The following SLC35F4 variants were observed in gnomAD, a reference collection of about 807,000 sequenced individuals.
SLC35F4 encodes the protein chromosome 14 open reading frame 36.
SLC35F4 carries 24 observed loss-of-function variants against 44.2 expected under a neutral mutation model. The ratio of observed to expected loss-of-function variants is 0.54; its 90% CI spans 0.39 to 0.76. The LOEUF (loss-of-function observed/expected upper bound fraction) is 0.76. SLC35F4 is among the 30% of genes least tolerant of loss of function. SLC35F4 has a pLI of 0.00. For synonymous variants in SLC35F4, 238 were observed against 223.6 expected (o/e 1.06, Z -0.57); for missense variants, 562 against 586.1 (o/e 0.96, Z 0.42).
chr14:57,622,567 G>A (rs1171270316), intron 1 of SLC35F4, among the ~76,000 whole-genome samples: 1 of 150,618 alleles, frequency 6.6e-6, no homozygotes. Flanking sequence ...ACTATCGCAA[G>A]AACAAAAAAC....
chr14:57,929,933 C>A (rs541402646), intron 1 of SLC35F4, among the ~76,000 whole-genome samples: 1 of 152,208 alleles, frequency 6.6e-6, no homozygotes, highest in African/African-American at 2.4e-5. Context: ...TTCACAGAAA[C>A]AAGAGTTCTT....
At chr14:57,715,406 A>G (rs1176346635) in intron 1 of SLC35F4, among the ~76,000 whole-genome samples, 2 of 152,234 alleles carry the variant, frequency 1.3e-5, no homozygotes, top group African/African-American at 4.8e-5. Flanking sequence ...GCAAAATATT[A>G]TCTTTTGGAC....
At chr14:57,977,185 T>C (rs1241901022) in intron 1 of SLC35F4, among the ~76,000 whole-genome samples, 1 of 152,106 alleles carries the variant, frequency 6.6e-6, no homozygotes. Flanking sequence ...TTAGGGGAAT[T>C]TTTTTTGGAT....
At chr14:57,752,617 T>C (rs1351833705) in intron 1 of SLC35F4, among the ~76,000 whole-genome samples, 1 of 151,930 alleles carries the variant, frequency 6.6e-6, no homozygotes, top group Non-Finnish European at 1.5e-5. Flanking sequence ...CACACTACCA[T>C]ACCAGGCTAA....
intron 1 of SLC35F4, among the ~76,000 whole-genome samples, chr14:57,774,714 C>A (rs960503773): frequency 1.3e-5 from 2 of 152,182 alleles, no homozygotes. Context: ...CTGACCGGAG[C>A]TCCAGCAGAA....
intron 1 of SLC35F4, among the ~76,000 whole-genome samples, chr14:57,680,135 G>T (rs2074844926): frequency 6.6e-6 from 1 of 152,076 alleles, no homozygotes; most frequent in African/African-American, 2.4e-5. Flanking sequence ...TAAAATACTG[G>T]CAAACCGAAT....
In SLC35F4 at chr14:57,612,491, C is replaced by G. The variant is rs1253801718; in HGVS notation, c.104-18367G>C. ...TAGCGGCATTCCTTGACCATTTTCC[C>G]TCTTCTGTGCACACTGCACTTAACC... is the stretch of plus-strand genomic sequence containing the variant. On this transcript the variant is annotated intron_variant, in intron 1 of 7. Transcript: ENST00000556826. Among the ~76,000 whole-genome samples the G allele has an allele frequency of 2.0e-5, 3 of 152,332 alleles. No homozygotes were observed. In the East Asian group the frequency reaches 5.8e-4, roughly 29 times the overall value.
intron 1 of SLC35F4, among the ~76,000 whole-genome samples, chr14:57,824,247 AC>A (rs1208123563): frequency 6.6e-6 from 1 of 152,176 alleles, no homozygotes; most frequent in African/African-American, 2.4e-5. Flanking sequence ...AAGTTAGCAT[AC>A]ATGCTTCACA....
At chr14:57,798,121 CAAAAAAAAAA>C (rs60685029) in intron 1 of SLC35F4, among the ~76,000 whole-genome samples, 1 of 42,068 alleles carries the variant, frequency 2.4e-5, no homozygotes, top group African/African-American at 7.7e-5. Context: ...GACCCACGAG[CAAAAAAAAAA>C]AAAAAAAAAA....
intron 1 of SLC35F4, among the ~76,000 whole-genome samples, chr14:57,666,162 T>G (rs1382347065): frequency 1.3e-5 from 2 of 152,196 alleles, no homozygotes; most frequent in Non-Finnish European, 2.9e-5. Context: ...TCCTTTGTTG[T>G]GTGTACAGAC....
intron 1 of SLC35F4, among the ~76,000 whole-genome samples, chr14:57,644,802 G>T (rs2140174692): frequency 6.6e-6 from 1 of 152,270 alleles, no homozygotes; most frequent in East Asian, 1.9e-4. Context: ...TTTGTATAAG[G>T]TGTAAGGAAG....
intron 4 of SLC35F4, among the ~76,000 whole-genome samples, chr14:57,575,797 C>T (rs2068753144): frequency 6.6e-6 from 1 of 152,110 alleles, no homozygotes; most frequent in Admixed American, 6.5e-5. Context: ...AGAAGGGATC[C>T]GTGTGGCCAT....
chr14:57,925,075 C>A (rs1346309625), intron 1 of SLC35F4, among the ~76,000 whole-genome samples: 1 of 151,994 alleles, frequency 6.6e-6, no homozygotes, highest in Admixed American at 6.6e-5. Context: ...TTTTAACAAG[C>A]TCTCGCAGGA....
chr14:57,688,648 G>A (rs2075136538), intron 1 of SLC35F4, among the ~76,000 whole-genome samples: 1 of 152,072 alleles, frequency 6.6e-6, no homozygotes, highest in African/African-American at 2.4e-5. Context: ...CTCTTAATCT[G>A]AGCAACCATA....
intron 1 of SLC35F4, among the ~76,000 whole-genome samples, chr14:57,788,987 G>A (rs2077841386): frequency 6.6e-6 from 1 of 152,174 alleles, no homozygotes; most frequent in Non-Finnish European, 1.5e-5. Context: ...AAGTGTACCA[G>A]AATCTCTGGG....
chr14:57,765,701 G>A (rs548830946), intron 1 of SLC35F4, among the ~76,000 whole-genome samples: 1 of 152,236 alleles, frequency 6.6e-6, no homozygotes, highest in Non-Finnish European at 1.5e-5. Context: ...AGATATCATT[G>A]CCAATCATAA....
intron 1 of SLC35F4, among the ~76,000 whole-genome samples, chr14:57,670,793 C>T (rs1404548338): frequency 2.0e-5 from 3 of 151,680 alleles, no homozygotes; most frequent in Non-Finnish European, 2.9e-5. Context: ...CAAGCAGATC[C>T]AGGGATACCT....
Position 57,589,194 on chromosome 14 carries a change from G to A in SLC35F4, c.587+22C>T, listed in dbSNP as rs1325854651. 3.2e-6 allele frequency: 5 copies of A among 1,578,874 alleles called. No individual in the cohort carries two copies. In the Admixed American group the frequency reaches 7.2e-5, roughly 23 times the overall value. On this transcript the variant is annotated intron_variant, in intron 3 of 7. Coordinates refer to ENST00000556826, the MANE Select transcript of SLC35F4 (RefSeq NM_001306087.2). Reference sequence around the variant, plus strand: ...TAAAACATTTCAATGATCTCTTATTGGGCAGTTAACATGAAACCTACCTGA... The same window carrying A: ...TAAAACATTTCAATGATCTCTTATTAGGCAGTTAACATGAAACCTACCTGA...
In SLC35F4 at chr14:57,567,363, G is replaced by A. The variant is rs747329966; in HGVS notation, c.1127-799C>T. 3.6e-4 allele frequency among the ~76,000 whole-genome samples: 55 copies of A among 152,280 alleles called. 1 individual carries two copies. The Middle Eastern group carries it at 0.01, about 28-fold the overall frequency. ...GATAGAGAGATGAGTGTTAACAATT[G>A]TAAAATGTCCTCAATTCAGAGATCT... is the stretch of plus-strand genomic sequence containing the variant. On this transcript the variant is annotated intron_variant, in intron 6 of 7. Coordinates refer to ENST00000556826, the MANE Select transcript of SLC35F4 (RefSeq NM_001306087.2).
Sources: gnomAD v4.1 joint callset for allele counts (sites outside exome capture counted in the v4.1 genomes callset) on GRCh38, gnomAD v4.1.1 for gene constraint, MANE v1.5 for transcripts, NCBI Gene and HGNC (gene_info 2026-07-23, HGNC 2026-07-21) for gene names.